Variants in ANK3 observed in about 807,000 individuals in gnomAD.
ANK3 encodes ankyrin 3.
Under a neutral mutation model 370.9 loss-of-function variants are expected in ANK3, and 57 were observed. The ratio of observed to expected loss-of-function variants is 0.15; its 90% CI spans 0.12 to 0.19. The LOEUF is 0.19. Among genes scored for constraint, ANK3 ranks in the 10% least tolerant of loss-of-function variants. The pLI is 1.00. For synonymous variants in ANK3, 1,929 were observed against 1,946.3 expected, an observed-to-expected ratio of 0.99 and a Z score of 0.23; for missense variants, 4,439 against 5,302.1, an observed-to-expected ratio of 0.84 and a Z score of 5.06.
chr10:60,042,887 C>A, intron 42 of ANK3, 128 bp from the exon 43 acceptor site: 1 of 1,509,462 alleles, frequency 6.6e-7, no homozygotes. Flanking sequence ...CACTTCATGT[C>A]CAAAAATACG....
chr10:60,732,491 C>G (rs138362271), intron 1 of ANK3, among the ~76,000 whole-genome samples: 3 of 152,090 alleles, frequency 2.0e-5, no homozygotes, highest in Non-Finnish European at 2.9e-5. Flanking sequence ...GTCAGGCAAC[C>G]GATTTCTACT....
rs533383195 is a variant in ANK3 at position 60,589,023 on chromosome 10, T to G, written c.96+26163A>C. Among the ~76,000 whole-genome samples the G allele has an allele frequency of 3.9e-5, 6 of 152,280 alleles. No homozygotes were observed. In the East Asian group the frequency reaches 1.2e-3, roughly 29 times the overall value. ...CTATCAACCAAAGGCAACATGTACA[T>G]CCTGATTGTAGCCTGACTCAAACAA... On this transcript the variant is annotated intron_variant, in intron 2 of 43. Transcript: ENST00000373827.
chr10:60,245,349 A>C (rs949862189), intron 7 of ANK3, among the ~76,000 whole-genome samples: 1 of 81,178 alleles, frequency 1.2e-5, no homozygotes, highest in African/African-American at 4.4e-5. Flanking sequence ...GGCATTATTA[A>C]GATTGACATA....
At chr10:60,558,824 T>C (rs2077267812) in intron 2 of ANK3, among the ~76,000 whole-genome samples, 1 of 152,190 alleles carries the variant, frequency 6.6e-6, no homozygotes, top group Admixed American at 6.6e-5. Context: ...ATTTATAAGA[T>C]AATATTTGTA....
intron 23 of ANK3, among the ~76,000 whole-genome samples, chr10:60,150,216 G>A (rs1393828507): frequency 1.3e-5 from 2 of 151,960 alleles, no homozygotes; most frequent in African/African-American, 4.8e-5. Context: ...GACCTCATCC[G>A]GTGCCTGGCG....
chr10:60,028,316 T>G lies in ANK3; in HGVS notation c.*1530A>C, dbSNP rs1487731867. The G allele has an allele frequency of 6.6e-6, 1 of 152,606 alleles. No individual in the cohort carries two copies. The highest frequency in any genetic ancestry group is 2.4e-5 in the African/African-American group (1 of 41,428). The allele number at this position is 152,606 out of a possible 1,614,324, so 9.5% of individuals were successfully genotyped here. ...ACCACAGAGGCACAAAGAGGACCAA[T>G]GGGGTGGATTGGCCAGGACTCATAT... On this transcript the variant is annotated 3_prime_UTR_variant, in exon 44 of 44. Transcript: ENST00000280772.
chr10:60,515,558 A>G (rs560355283), intron 2 of ANK3, among the ~76,000 whole-genome samples: 29 of 152,290 alleles, frequency 1.9e-4, no homozygotes, highest in African/African-American at 7.0e-4. Context: ...ATTATAAATC[A>G]TTATTAAAAT....
intron 1 of ANK3, among the ~76,000 whole-genome samples, chr10:60,665,352 T>C (rs2078983321): frequency 6.6e-6 from 1 of 152,234 alleles, no homozygotes; most frequent in African/African-American, 2.4e-5. Context: ...TTTTCTAAGA[T>C]GCTAAAACAT....
chr10:60,240,543 A>C (rs1301531460), intron 7 of ANK3, among the ~76,000 whole-genome samples: 2 of 151,788 alleles, frequency 1.3e-5, no homozygotes, highest in African/African-American at 4.8e-5. Flanking sequence ...ACCTCAGGTG[A>C]TCCACCTGCC....
Position 60,186,633 on chromosome 10 carries a change from A to T in ANK3, c.2085+82T>A, listed in dbSNP as rs2096342797. 5.7e-6 allele frequency: 8 copies of T among 1,391,842 alleles called. No homozygotes were observed. In the South Asian group the frequency reaches 9.8e-5, roughly 17 times the overall value. The allele number at this position is 1,391,842 out of a possible 1,614,324, so 86.2% of individuals were successfully genotyped here. ...ACTTTACACATCCTATTTGACTCAG[A>T]TCTTCTGTGAATTCTTAGTGACCTT... is the stretch of plus-strand genomic sequence containing the variant. On this transcript the variant is annotated intron_variant, in intron 17 of 43. Coordinates refer to ENST00000280772, the MANE Select transcript of ANK3 (RefSeq NM_020987.5).
intron 23 of ANK3, among the ~76,000 whole-genome samples, chr10:60,148,232 G>GC (rs1555007952): frequency 6.8e-6 from 1 of 147,948 alleles, no homozygotes; most frequent in African/African-American, 2.5e-5. Flanking sequence ...TGCTTAAGCT[G>GC]TTTTTTTTTT....
chr10:60,133,650 C>T (rs188701469), intron 25 of ANK3, among the ~76,000 whole-genome samples: 6 of 152,020 alleles, frequency 3.9e-5, no homozygotes, highest in Non-Finnish European at 7.4e-5. Context: ...AGGCTGGGTG[C>T]GGTGGTTCAC....
intron 2 of ANK3, among the ~76,000 whole-genome samples, chr10:60,418,045 T>G (rs986158476): frequency 6.6e-6 from 1 of 152,230 alleles, no homozygotes; most frequent in African/African-American, 2.4e-5. Flanking sequence ...ATTTTGCCTG[T>G]GGCATATTTT....
intron 23 of ANK3, among the ~76,000 whole-genome samples, chr10:60,156,354 C>A (rs2095326532): frequency 6.6e-6 from 1 of 152,212 alleles, no homozygotes. Context: ...GCTGGACCAG[C>A]AGGGAATCCA....
Position 60,099,377 on chromosome 10 carries a change from T to G in ANK3, c.3328+6528A>C, listed in dbSNP as rs186821271. ...CATAATGGCTGTCAACAAGTCAGAG[T>G]TGGTCTCTGCCCTCTTGGACTTTTG... On this transcript the variant is annotated intron_variant, in intron 28 of 43. Transcript: ENST00000280772. 2.9e-3 allele frequency among the ~76,000 whole-genome samples: 443 copies of G among 152,260 alleles called. 1 individual carries two copies. The highest frequency in any genetic ancestry group is 0.01 in the African/African-American group (425 of 41,546).
chr10:60,527,069 C>A (rs187933153), intron 2 of ANK3, among the ~76,000 whole-genome samples: 1 of 152,106 alleles, frequency 6.6e-6, no homozygotes, highest in East Asian at 1.9e-4. Context: ...TATTGGAGAC[C>A]ATTTCCATAG....
At chr10:60,464,906 C>T (rs556019049) in intron 2 of ANK3, among the ~76,000 whole-genome samples, 4 of 152,260 alleles carry the variant, frequency 2.6e-5, no homozygotes, top group African/African-American at 9.6e-5. Flanking sequence ...ACCCTTAGGC[C>T]TTCCAAAGCA....
chr10:60,725,256 A>G (rs1241988465), intron 1 of ANK3, among the ~76,000 whole-genome samples: 1 of 151,582 alleles, frequency 6.6e-6, no homozygotes, highest in Non-Finnish European at 1.5e-5. Context: ...GCTACAGACA[A>G]CTCCATGACG....
Position 60,114,345 on chromosome 10 carries a change from T to C in ANK3, c.2842-14A>G. 1 of 1,493,004 alleles carries C rather than the reference T, an allele frequency of 6.7e-7. No homozygotes were observed. Among genetic ancestry groups the C allele is most frequent in the Non-Finnish European group, 9.3e-7 (1 of 1,078,742 alleles). The allele number at this position is 1,493,004 out of a possible 1,614,324, so 92.5% of individuals were successfully genotyped here. On this transcript the variant is annotated splice_polypyrimidine_tract_variant and intron_variant, in intron 25 of 43. Coordinates refer to ENST00000280772, the MANE Select transcript of ANK3 (RefSeq NM_020987.5). The stretch of plus-strand genomic sequence containing the variant: ...GAATGTTAGATGCTGAAAAATAAAA[T>C]GGTAAATTAAATTACATCAACAAAC...
Sources: gnomAD v4.1 joint callset for allele counts (sites outside exome capture counted in the v4.1 genomes callset) on GRCh38, gnomAD v4.1.1 for gene constraint, MANE v1.5 for transcripts, NCBI Gene and HGNC (gene_info 2026-07-23, HGNC 2026-07-21) for gene names.